Variants in PRELID2 observed in about 807,000 individuals in gnomAD.
PRELID2 encodes the protein PRELI domain-containing protein 2.
PRELID2 carries 25 observed loss-of-function variants against 28.4 expected under a neutral mutation model. The observed-to-expected ratio is 0.88, with a 90% CI of 0.64 to 1.23. PRELID2 has a LOEUF of 1.23. Ranked by LOEUF, PRELID2 falls within the 50% of genes most tolerant of loss-of-function variation. The pLI is 0.00. For synonymous variants in PRELID2, 76 were observed against 71.6 expected (o/e 1.06, Z -0.31); for missense variants, 201 against 214.4 (o/e 0.94, Z 0.39).
At chr5:145,571,358 A>G (rs1319980521) in intron 1 of PRELID2, among the ~76,000 whole-genome samples, 1 of 152,196 alleles carries the variant, frequency 6.6e-6, no homozygotes, top group Non-Finnish European at 1.5e-5. Flanking sequence ...GCCTCATTAT[A>G]TCTGCCTCCC....
chr5:145,643,159 T>G (rs1423953674), intron 1 of PRELID2, among the ~76,000 whole-genome samples: 1 of 152,200 alleles, frequency 6.6e-6, no homozygotes, highest in Non-Finnish European at 1.5e-5. Context: ...CATGGAATGT[T>G]TTTCCATTTG....
At chr5:145,426,319 G>A in the PRELID2 span, among the ~76,000 whole-genome samples, 2 of 152,132 alleles carry the variant, frequency 1.3e-5, no homozygotes, top group South Asian at 2.1e-4. Flanking sequence ...TTTTCATCTC[G>A]GTGAGGAAAA....
chr5:145,391,948 T>A, the PRELID2 span, among the ~76,000 whole-genome samples: 1 of 152,170 alleles, frequency 6.6e-6, no homozygotes, highest in Non-Finnish European at 1.5e-5. Context: ...TGGATTTCAT[T>A]GTCCATATCA....
chr5:145,599,181 A>C (rs1753352967), intron 1 of PRELID2, among the ~76,000 whole-genome samples: 1 of 152,236 alleles, frequency 6.6e-6, no homozygotes, highest in Non-Finnish European at 1.5e-5. Context: ...ATTTATTGAC[A>C]GAAAGTCATA....
the PRELID2 span, chr5:145,229,319 G>A: frequency 9.4e-6 from 7 of 743,996 alleles, no homozygotes; most frequent in Admixed American, 3.4e-5. Flanking sequence ...AAAGCAACAC[G>A]GGATTCCCAT....
chr5:145,604,546 G>A (rs1309290395), intron 1 of PRELID2, among the ~76,000 whole-genome samples: 5 of 151,984 alleles, frequency 3.3e-5, no homozygotes, highest in East Asian at 1.9e-4. Context: ...GAACATAGAC[G>A]TGTATACGTC....
intron 1 of PRELID2, among the ~76,000 whole-genome samples, chr5:145,513,143 G>A (rs535386826): frequency 3.2e-4 from 48 of 152,094 alleles, no homozygotes; most frequent in African/African-American, 1.1e-3. Context: ...CGAATTTGAC[G>A]AGTTGATAGA....
At chr5:145,314,962 G>T in the PRELID2 span, among the ~76,000 whole-genome samples, 1 of 151,118 alleles carries the variant, frequency 6.6e-6, no homozygotes, top group African/African-American at 2.4e-5. Context: ...TTATTGTATG[G>T]CTTATGATTT....
At chr5:145,603,691 C>T (rs2149639511) in intron 1 of PRELID2, among the ~76,000 whole-genome samples, 1 of 152,120 alleles carries the variant, frequency 6.6e-6, no homozygotes, top group African/African-American at 2.4e-5. Context: ...AATAATAATA[C>T]TGACTTTAGG....
the PRELID2 span, chr5:145,441,050 G>T: frequency 6.6e-6 from 1 of 152,072 alleles, no homozygotes; most frequent in Non-Finnish European, 1.5e-5. Context: ...CAGCATATGG[G>T]AGTCCAGGAG....
chr5:145,705,799 G>A (rs1013807589), intron 1 of PRELID2, among the ~76,000 whole-genome samples: 6 of 152,008 alleles, frequency 3.9e-5, no homozygotes, highest in Non-Finnish European at 7.4e-5. Context: ...TATGAACATT[G>A]AAATGTGAAT....
chr5:145,427,719 G>T, the PRELID2 span, among the ~76,000 whole-genome samples: 3 of 152,142 alleles, frequency 2.0e-5, no homozygotes, highest in Admixed American at 2.0e-4. Context: ...ATACAGTTTT[G>T]TTGTGATAAA....
At chr5:145,546,265 GAA>G (rs1225066852) in intron 1 of PRELID2, among the ~76,000 whole-genome samples, 1 of 152,058 alleles carries the variant, frequency 6.6e-6, no homozygotes, top group Non-Finnish European at 1.5e-5. Flanking sequence ...CAGGGAAACA[GAA>G]AATAATCTGA....
At chr5:145,711,120 G>A (rs769571614) in intron 1 of PRELID2, among the ~76,000 whole-genome samples, 9 of 152,104 alleles carry the variant, frequency 5.9e-5, no homozygotes, top group African/African-American at 1.2e-4. Context: ...CCATCTGCCC[G>A]CTTTTAGAAG....
chr5:145,783,567 A>C (rs1751775339), intron 5 of PRELID2, among the ~76,000 whole-genome samples: 1 of 152,216 alleles, frequency 6.6e-6, no homozygotes, highest in Admixed American at 6.5e-5. Context: ...ATAAATATCA[A>C]CTAAATCAAT....
At chr5:145,681,855 T>A (rs1271008722) in intron 1 of PRELID2, among the ~76,000 whole-genome samples, 1 of 152,200 alleles carries the variant, frequency 6.6e-6, no homozygotes, top group Non-Finnish European at 1.5e-5. Flanking sequence ...AAATATTGCA[T>A]CATACCCAGC....
chr5:145,633,907 G>A (rs182187302), intron 1 of PRELID2, among the ~76,000 whole-genome samples: 11 of 152,316 alleles, frequency 7.2e-5, no homozygotes, highest in Admixed American at 2.6e-4. Flanking sequence ...CAAAAGCCAT[G>A]TTCCCTGCAT....
the PRELID2 span, chr5:145,229,635 C>A: frequency 1.0e-6 from 1 of 979,018 alleles, no homozygotes; most frequent in Non-Finnish European, 1.6e-6. Flanking sequence ...AGAACATCTT[C>A]ACCAGACAAA....
chr5:145,346,751 A>G, the PRELID2 span, among the ~76,000 whole-genome samples: 11 of 152,266 alleles, frequency 7.2e-5, no homozygotes, highest in Admixed American at 2.0e-4. Flanking sequence ...TAGTCTGTCA[A>G]TGGAGAAAGA....
Sources: gnomAD v4.1 joint callset for allele counts (sites outside exome capture counted in the v4.1 genomes callset) on GRCh38, gnomAD v4.1.1 for gene constraint, MANE v1.5 for transcripts, NCBI Gene and HGNC (gene_info 2026-07-23, HGNC 2026-07-21) for gene names.